The following LMO4 variants were observed in gnomAD, a reference collection of about 807,000 sequenced individuals.
LMO4 encodes LIM domain only 4, also known as LIM domain transcription factor LMO4.
In LMO4, 3 loss-of-function variants were observed where a neutral mutation model predicts 18.5. The observed-to-expected ratio is 0.16, with a 90% CI of 0.07 to 0.42. LMO4 has a LOEUF of 0.42. Ranked by LOEUF, LMO4 falls within the 10% of genes least tolerant of loss-of-function variation. LMO4 has a pLI of 0.99. For synonymous variants in LMO4, 100 were observed against 88.1 expected (o/e 1.14, Z -0.76); for missense variants, 121 against 219.9 (o/e 0.55, Z 2.84).
At chr1:87,340,803 C>T (rs1038212656) in intron 4 of LMO4, among the ~76,000 whole-genome samples, 1 of 152,096 alleles carries the variant, frequency 6.6e-6, no homozygotes, top group African/African-American at 2.4e-5. Flanking sequence ...CTTGCTAACC[C>T]GCTTAGTGCC....
rs920667948 is a variant in LMO4 at position 87,346,764 on chromosome 1, A to G, written c.*1968A>G. ...CCTTATAAAAATAAAATGCAAGAAAATAATATGAAGAAATCACATATATAT... is the reference window on the plus strand; with the variant it reads ...CCTTATAAAAATAAAATGCAAGAAAGTAATATGAAGAAATCACATATATAT... On this transcript the variant is annotated 3_prime_UTR_variant, in exon 5 of 5. Coordinates refer to ENST00000370544, the MANE Select transcript of LMO4 (RefSeq NM_006769.4). 5.9e-5 allele frequency: 9 copies of G among 152,268 alleles called. No homozygotes were observed. Among genetic ancestry groups the G allele is most frequent in the African/African-American group, 2.2e-4 (9 of 41,464 alleles). 9.4% of individuals were successfully genotyped at this position (152,268 alleles called of 1,614,324 possible). A position where few individuals can be genotyped will look rare whatever the true frequency, so the allele number is the denominator to read the frequency against.
Position 87,348,265 on chromosome 1 carries a change from C to CCCCTTCA in LMO4, c.*3479_*3485dup, listed in dbSNP as rs992477290. On this transcript the variant is annotated 3_prime_UTR_variant, in exon 5 of 5. Transcript: ENST00000370544. The stretch of plus-strand genomic sequence containing the variant: ...ACCCCATCACCCTTCACCCCAAAGA[C>CCCCTTCA]CCCTTCACCCTTCACCAGGGAATTC... The CCCCTTCA allele has an allele frequency of 6.1e-6, 1 of 164,304 alleles. No homozygotes were observed. The highest frequency in any genetic ancestry group is 1.3e-5 in the Non-Finnish European group (1 of 74,778). The allele number at this position is 164,304 out of a possible 1,614,324, so 10.2% of individuals were successfully genotyped here.
intron 4 of LMO4, among the ~76,000 whole-genome samples, chr1:87,341,769 G>A (rs748563026): frequency 4.6e-5 from 7 of 152,180 alleles, no homozygotes; most frequent in Non-Finnish European, 8.8e-5. Flanking sequence ...AAGAATAAAA[G>A]TTGAACTTTT....
Position 87,347,651 on chromosome 1 carries a change from ACTC to A in LMO4, c.*2858_*2860del, listed in dbSNP as rs1650673257. On this transcript the variant is annotated 3_prime_UTR_variant, in exon 5 of 5. Coordinates refer to ENST00000370544, the MANE Select transcript of LMO4 (RefSeq NM_006769.4). ...AGCAAATGTTACTGAGCCCTGCTGA[ACTC>A]CTGATAAAAAAAATTATGTTTATGG... 6.6e-6 allele frequency: 1 copy of A among 151,666 alleles called. No individual in the cohort carries two copies. Among genetic ancestry groups the A allele is most frequent in the African/African-American group, 2.4e-5 (1 of 40,962 alleles). The allele number at this position is 151,666 out of a possible 1,614,324, so 9.4% of individuals were successfully genotyped here.
chr1:87,335,351 G>C (rs1322250020), intron 2 of LMO4, among the ~76,000 whole-genome samples: 3 of 152,110 alleles, frequency 2.0e-5, no homozygotes, highest in Non-Finnish European at 4.4e-5. Context: ...CGGAAGCCAG[G>C]GTGGCGGTCG....
In LMO4 at chr1:87,339,620, G is replaced by A. The variant is rs1404377751; in HGVS notation, c.321G>A (p.Val107=). 1 of 1,608,512 alleles carries A rather than the reference G, an allele frequency of 6.2e-7. No individual in the cohort carries two copies. Among genetic ancestry groups the A allele is most frequent in the Admixed American group, 1.7e-5 (1 of 59,990 alleles). The part of the protein sequence containing the change: ...SELVMRAQGN[V]YHLKCFTCST... The stretch of plus-strand genomic sequence containing the variant: ...TCGTCATGAGGGCGCAAGGCAATGT[G>A]TATCATCTTAAGGTAGTATTTGCAT... Residue 107 remains valine, a synonymous_variant, in exon 3 of 5, where the codon GTG becomes GTA. Coordinates refer to ENST00000370544, the MANE Select transcript of LMO4 (RefSeq NM_006769.4).
In LMO4 at chr1:87,346,483, T is replaced by C. The variant is rs1650629268; in HGVS notation, c.*1687T>C. The C allele has an allele frequency of 6.6e-6, 1 of 152,270 alleles. No individual in the cohort carries two copies. The allele number at this position is 152,270 out of a possible 1,614,324, so 9.4% of individuals were successfully genotyped here. A position where few individuals can be genotyped will look rare whatever the true frequency, so the allele number is the denominator to read the frequency against. On this transcript the variant is annotated 3_prime_UTR_variant, in exon 5 of 5. Transcript: ENST00000370544. The stretch of plus-strand genomic sequence containing the variant: ...GTGAACGCTACTATTTTAAATTTTC[T>C]TTTTTAAGATGGCATTTTATTTTGT...
rs954961512 is a variant in LMO4, at chr1:87,345,499, A to G, written c.*703A>G. On this transcript the variant is annotated 3_prime_UTR_variant, in exon 5 of 5. Transcript: ENST00000370544. ...CTAATTTGCTGAATGAAGAAAAAAA[A>G]AAATCTTTTATTTGTGATATTTTCA... 2.6e-5 allele frequency: 4 copies of G among 152,318 alleles called. No individual in the cohort carries two copies. Among genetic ancestry groups the G allele is most frequent in the African/African-American group, 7.2e-5 (3 of 41,576 alleles). The allele number at this position is 152,318 out of a possible 1,614,324, so 9.4% of individuals were successfully genotyped here. A position where few individuals can be genotyped will look rare whatever the true frequency, so the allele number is the denominator to read the frequency against.
At chr1:87,330,193 C>A (rs1463130864) in intron 1 of LMO4, among the ~76,000 whole-genome samples, 2 of 146,788 alleles carry the variant, frequency 1.4e-5, no homozygotes, top group Non-Finnish European at 3.0e-5. Flanking sequence ...TGTAATGTTT[C>A]CTTTTCAAAA....
At chr1:87,331,766 G>A (rs1048682051) in intron 1 of LMO4, 4 of 514,808 alleles carry the variant, frequency 7.8e-6, no homozygotes, top group Admixed American at 7.3e-5. Context: ...GGCGGCAAGC[G>A]CAGGAAAGTT....
rs774306021 is a variant in LMO4, at chr1:87,340,180, A to G, written c.467A>G (p.Asn156Ser). The change falls in exon 4 of 5, where the codon AAT becomes AGT. Residue 156 changes from asparagine to serine, a missense_variant. This residue lies in a region of LMO4 where 62 missense variants were observed against 128.8 expected (regional missense o/e 0.48). Coordinates refer to ENST00000370544, the MANE Select transcript of LMO4 (RefSeq NM_006769.4). ...INGHLNSLQSNPLLPDQKVC is the reference protein window; with the variant it reads ...INGHLNSLQSSPLLPDQKVC ...GGCCATTTGAATTCACTTCAGAGCAATCCACTACTGCCAGACCAGAAGGTG... is the reference window on the plus strand; with the variant it reads ...GGCCATTTGAATTCACTTCAGAGCAGTCCACTACTGCCAGACCAGAAGGTG... 10 of 1,614,046 alleles carry G rather than the reference A, an allele frequency of 6.2e-6. No homozygotes were observed. Among genetic ancestry groups the G allele is most frequent in the South Asian group, 1.1e-5 (1 of 91,050 alleles).
chr1:87,344,706 GAAGACAA>G, intron 4 of LMO4, 75 bp from the exon 5 acceptor site: 1 of 1,356,680 alleles, frequency 7.4e-7, no homozygotes. Flanking sequence ...TGAATGTGGG[GAAGACAA>G]AAGCAGTCAT....
chr1:87,335,228 T>C (rs1037832772), intron 2 of LMO4, among the ~76,000 whole-genome samples: 4 of 152,172 alleles, frequency 2.6e-5, no homozygotes, highest in Non-Finnish European at 5.9e-5. Flanking sequence ...TCGAACCGTC[T>C]TTCCTCCACC....
intron 2 of LMO4, 92 bp downstream of exon 2, chr1:87,332,343 C>G (rs751141676): frequency 4.3e-6 from 4 of 938,534 alleles, no homozygotes; most frequent in Non-Finnish European, 6.6e-6. Context: ...TAGGCGTCTA[C>G]GGGGAGTATG....
At chr1:87,343,099 A>C (rs1230462552) in intron 4 of LMO4, among the ~76,000 whole-genome samples, 1 of 152,154 alleles carries the variant, frequency 6.6e-6, no homozygotes, top group Non-Finnish European at 1.5e-5. Flanking sequence ...AAAAGCAATG[A>C]GTTGATTATT....
intron 2 of LMO4, among the ~76,000 whole-genome samples, chr1:87,336,651 A>G (rs866485880): frequency 5.3e-5 from 8 of 152,210 alleles, no homozygotes; most frequent in Admixed American, 6.5e-5. Flanking sequence ...TTTTCCCTGT[A>G]TAAGGAACCT....
chr1:87,340,258 C>CT (rs1650439920), intron 4 of LMO4, 56 bp downstream of exon 4: 4 of 1,538,646 alleles, frequency 2.6e-6, no homozygotes, highest in Non-Finnish European at 3.5e-6. Flanking sequence ...AAGGTTCAAC[C>CT]TCTTAACCTA....
In LMO4 at chr1:87,344,828, A is replaced by C; in HGVS notation, c.*32A>C. ...AGAGTAATGCAGAATGCGTGCCTTC[A>C]TCTCAGATTTGTTCATCACAGGTGG... On this transcript the variant is annotated 3_prime_UTR_variant, in exon 5 of 5. Transcript: ENST00000370544. 6.2e-7 allele frequency: 1 copy of C among 1,612,806 alleles called. No homozygotes were observed.
intron 2 of LMO4, among the ~76,000 whole-genome samples, chr1:87,332,757 G>C (rs1002139013): frequency 6.6e-6 from 1 of 152,118 alleles, no homozygotes; most frequent in Non-Finnish European, 1.5e-5. Flanking sequence ...GCTGTGATTC[G>C]TTCTTTGTGC....
Sources: gnomAD v4.1 joint callset for allele counts (sites outside exome capture counted in the v4.1 genomes callset) on GRCh38, gnomAD v4.1.1 for gene constraint, gnomAD v4.1.1 regional missense constraint, MANE v1.5 for transcripts, NCBI Gene and HGNC (gene_info 2026-07-23, HGNC 2026-07-21) for gene names.